GPC5: variants seen among roughly 807,000 people sequenced by gnomAD.
The protein encoded by GPC5 is glypican 5, also known as glypican-5.
A neutral mutation model predicts 53.9 loss-of-function variants in GPC5; 47 were observed. The observed-to-expected ratio is 0.87, with a 90% confidence interval of 0.69 to 1.11. GPC5 has a LOEUF of 1.11. GPC5 is among the 50% of genes most tolerant of loss of function. The pLI, the probability that GPC5 is intolerant of heterozygous loss-of-function variation, is 0.00. For missense variants in GPC5, 748 were observed against 713.1 expected (o/e 1.05, Z -0.56); for synonymous variants, 286 against 263.3 (o/e 1.09, Z -0.84).
chr13:91,856,375 T>A (rs1237571099), intron 5 of GPC5, among the ~76,000 whole-genome samples: 1 of 151,512 alleles, frequency 6.6e-6, no homozygotes, highest in African/African-American at 2.4e-5. Context: ...TATTTTTATG[T>A]TTAATTTTGT....
chr13:92,723,814 T>A (rs773937533), intron 7 of GPC5, among the ~76,000 whole-genome samples: 12 of 151,656 alleles, frequency 7.9e-5, no homozygotes, highest in Non-Finnish European at 1.3e-4. Context: ...GAGGTCAGAA[T>A]GCTGTGTATC....
chr13:92,537,635 CT>C (rs1288867111), intron 7 of GPC5, among the ~76,000 whole-genome samples: 1 of 152,094 alleles, frequency 6.6e-6, no homozygotes, highest in African/African-American at 2.4e-5. Context: ...TACATTACAG[CT>C]CTCCCACAGA....
intron 7 of GPC5, among the ~76,000 whole-genome samples, chr13:92,262,954 C>T (rs1410335087): frequency 1.3e-5 from 2 of 152,042 alleles, no homozygotes; most frequent in African/African-American, 4.8e-5. Flanking sequence ...ACTCTCTATC[C>T]TACCATTTCC....
intron 6 of GPC5, among the ~76,000 whole-genome samples, chr13:92,034,686 C>A (rs939546813): frequency 6.6e-6 from 1 of 152,068 alleles, no homozygotes; most frequent in African/African-American, 2.4e-5. Flanking sequence ...ACTTTTATTT[C>A]ATGTCCTCTC....
At chr13:91,750,720 GC>G (rs1159793404) in intron 4 of GPC5, among the ~76,000 whole-genome samples, 1 of 120,200 alleles carries the variant, frequency 8.3e-6, no homozygotes, top group African/African-American at 3.3e-5. Flanking sequence ...CGCTCTTGCT[GC>G]CCAGGCTGGA....
chr13:92,827,174 T>C (rs1007690343), intron 7 of GPC5, among the ~76,000 whole-genome samples: 1 of 152,028 alleles, frequency 6.6e-6, no homozygotes, highest in African/African-American at 2.4e-5. Context: ...AGGAGACAGA[T>C]TAGGAATGAC....
At chr13:91,635,962 A>G (rs2034275013) in intron 2 of GPC5, among the ~76,000 whole-genome samples, 1 of 152,002 alleles carries the variant, frequency 6.6e-6, no homozygotes, top group African/African-American at 2.4e-5. Context: ...CAGTAGTTTT[A>G]TAGTTTTTTT....
intron 7 of GPC5, among the ~76,000 whole-genome samples, chr13:92,777,422 C>T (rs562792572): frequency 1.3e-5 from 2 of 151,226 alleles, no homozygotes; most frequent in South Asian, 4.2e-4. Context: ...ATCACGAGGT[C>T]AAGAGATTGA....
chr13:92,156,436 G>A (rs7984422), intron 7 of GPC5, among the ~76,000 whole-genome samples: 11,721 of 152,114 alleles, frequency 0.077, 848 homozygotes, highest in African/African-American at 0.19. Flanking sequence ...TGTTTTCATG[G>A]CTTTAACTTG....
At chr13:91,974,290 A>C (rs2040275195) in intron 6 of GPC5, among the ~76,000 whole-genome samples, 1 of 152,198 alleles carries the variant, frequency 6.6e-6, no homozygotes, top group African/African-American at 2.4e-5. Flanking sequence ...AGGAGAATGA[A>C]ATAAAGGGTA....
chr13:92,286,601 T>C (rs889077761), intron 7 of GPC5, among the ~76,000 whole-genome samples: 1 of 152,238 alleles, frequency 6.6e-6, no homozygotes, highest in African/African-American at 2.4e-5. Flanking sequence ...TGGATGAAGC[T>C]GGATACCATT....
chr13:92,209,708 A>C (rs2042361394), intron 7 of GPC5, among the ~76,000 whole-genome samples: 1 of 152,216 alleles, frequency 6.6e-6, no homozygotes, highest in Non-Finnish European at 1.5e-5. Flanking sequence ...TTATTATCTC[A>C]TGCAAACAAA....
chr13:92,010,606 G>T (rs2040652501), intron 6 of GPC5, among the ~76,000 whole-genome samples: 1 of 152,104 alleles, frequency 6.6e-6, no homozygotes, highest in African/African-American at 2.4e-5. Context: ...TAAAAGTGAG[G>T]CTCTAATCCA....
intron 6 of GPC5, among the ~76,000 whole-genome samples, chr13:92,028,340 T>C (rs1192934652): frequency 6.6e-6 from 1 of 152,130 alleles, no homozygotes; most frequent in African/African-American, 2.4e-5. Context: ...ATATAGCATA[T>C]GGAGCTTAGT....
intron 2 of GPC5, among the ~76,000 whole-genome samples, chr13:91,541,438 T>C (rs2029922993): frequency 6.6e-6 from 1 of 152,160 alleles, no homozygotes; most frequent in Admixed American, 6.5e-5. Context: ...TTCTTAGATA[T>C]ACTAGGTTTC....
At chr13:91,938,951 C>A (rs1332374979) in intron 6 of GPC5, among the ~76,000 whole-genome samples, 1 of 151,856 alleles carries the variant, frequency 6.6e-6, no homozygotes, top group Non-Finnish European at 1.5e-5. Context: ...TATAAATATG[C>A]AAAAATGTAG....
chr13:91,736,748 AT>A (rs2036823895), intron 4 of GPC5, among the ~76,000 whole-genome samples: 1 of 151,348 alleles, frequency 6.6e-6, no homozygotes, highest in African/African-American at 2.5e-5. Flanking sequence ...AAAAGAAAAA[AT>A]TACAACAAAT....
intron 2 of GPC5, among the ~76,000 whole-genome samples, chr13:91,495,891 C>T (rs945600299): frequency 3.3e-5 from 5 of 151,970 alleles, no homozygotes; most frequent in African/African-American, 4.8e-5. Flanking sequence ...GGCGTGGTGG[C>T]GGGTGCCTGT....
chr13:92,522,767 TA>T (rs1332737874), intron 7 of GPC5, among the ~76,000 whole-genome samples: 1 of 152,028 alleles, frequency 6.6e-6, no homozygotes, highest in Non-Finnish European at 1.5e-5. Context: ...TAAAGAATAA[TA>T]AAAAATAGTT....
Sources: allele counts gnomAD v4.1 joint callset (sites outside exome capture counted in the v4.1 genomes callset), GRCh38; gene constraint gnomAD v4.1.1; transcripts MANE v1.5; gene names NCBI Gene and HGNC (gene_info 2026-07-23, HGNC 2026-07-21).